Variants in PCDHGA5 observed in about 807,000 individuals in gnomAD.
PCDHGA5 encodes the protein protocadherin gamma-A5.
Under a neutral mutation model 56.7 loss-of-function variants are expected in PCDHGA5, and 36 were observed. That is an observed-to-expected ratio of 0.64 (90% CI 0.49 to 0.84). The LOEUF is 0.84. Ranked by LOEUF, PCDHGA5 falls within the 40% of genes least tolerant of loss-of-function variation. The probability of loss-of-function intolerance (pLI) is 0.00; values close to 1 mark genes in which losing one functional copy is unlikely to be tolerated. For missense variants in PCDHGA5, 1,305 were observed against 1,201.5 expected (o/e 1.09, Z -1.27); for synonymous variants, 563 against 520.2 (o/e 1.08, Z -1.12).
intron 1 of PCDHGA5, chr5:141,428,444 T>C (rs2097139811): frequency 5.3e-6 from 2 of 379,264 alleles, no homozygotes; most frequent in Non-Finnish European, 1.0e-5. Context: ...AGACCAGGGG[T>C]TTTTCCCAAC....
At chr5:141,415,114 G>T in intron 1 of PCDHGA5, 5 of 1,613,648 alleles carry the variant, frequency 3.1e-6, no homozygotes, top group Non-Finnish European at 4.2e-6. Flanking sequence ...GCAAAGCCTC[G>T]TAGTGGCCGT....
chr5:141,371,170 C>T lies in PCDHGA5; in HGVS notation c.2421+4419C>T, dbSNP rs1228264781. 7 of 1,613,892 alleles carry T rather than the reference C, an allele frequency of 4.3e-6. No homozygotes were observed. The Admixed American group carries it at 1.0e-4, about 23-fold the overall frequency. On this transcript the variant is annotated intron_variant, in intron 1 of 3. Coordinates refer to ENST00000518069, the MANE Select transcript of PCDHGA5 (RefSeq NM_018918.3). Reference sequence around the variant, plus strand: ...GTTGCAGAGAACCTGCCCGCTGGCTCCTCCGTATTAAAAGTGATGGCCATT... The same window carrying T: ...GTTGCAGAGAACCTGCCCGCTGGCTTCTCCGTATTAAAAGTGATGGCCATT...
intron 1 of PCDHGA5, among the ~76,000 whole-genome samples, chr5:141,434,225 G>A (rs1591320318): frequency 6.6e-6 from 1 of 152,146 alleles, no homozygotes; most frequent in African/African-American, 2.4e-5. Flanking sequence ...AACAAAGTAC[G>A]ATTTCTGGAC....
chr5:141,394,158 C>G lies in PCDHGA5; in HGVS notation c.2421+27407C>G, dbSNP rs777816337. 1.2e-5 allele frequency: 19 copies of G among 1,613,726 alleles called. No homozygotes were observed. The Admixed American group carries it at 2.0e-4, about 17-fold the overall frequency. On this transcript the variant is annotated intron_variant, in intron 1 of 3. Transcript: ENST00000518069. ...GCACGTGGCAGACATTAACGACAAC[C>G]CTCCTACTTTCCCTCATGCCTCCTA...
Position 141,491,078 on chromosome 5 carries a change from C to G in PCDHGA5, c.2422-3729C>G, listed in dbSNP as rs1386717886. The G allele has an allele frequency of 5.6e-6, 9 of 1,614,194 alleles. No homozygotes were observed. Among genetic ancestry groups the G allele is most frequent in the East Asian group, 4.5e-5 (2 of 44,882 alleles). ...CTCTCCTACTCACTGTTGCCACAGTCCACAGCCCCAGGACTGTTCCTCGTG... is the reference window on the plus strand; with the variant it reads ...CTCTCCTACTCACTGTTGCCACAGTGCACAGCCCCAGGACTGTTCCTCGTG... On this transcript the variant is annotated intron_variant, in intron 1 of 3. Transcript: ENST00000518069. This position sits in a 1 kb window ranked among gnomAD's most constrained non-coding sequence, Gnocchi z 6.9.
chr5:141,388,989 G>A (rs1460138722), intron 1 of PCDHGA5: 1 of 1,613,886 alleles, frequency 6.2e-7, no homozygotes, highest in African/African-American at 1.3e-5. Context: ...TTTGCTCAAA[G>A]TCCGTGACAA....
chr5:141,491,311 A>G lies in PCDHGA5; in HGVS notation c.2422-3496A>G. On this transcript the variant is annotated intron_variant, in intron 1 of 3. Transcript: ENST00000518069. This position sits in a 1 kb window ranked among gnomAD's most constrained non-coding sequence, Gnocchi z 6.9. The stretch of plus-strand genomic sequence containing the variant: ...ACACCCTCCTGAGCGTTCAGACCTT[A>G]CCCTTTACCTCATTGTGGCTCTAGC... 1 of 1,613,932 alleles carries G rather than the reference A, an allele frequency of 6.2e-7. No homozygotes were observed. Among genetic ancestry groups the G allele is most frequent in the Non-Finnish European group, 8.5e-7 (1 of 1,179,940 alleles).
chr5:141,409,251 CTT>C (rs771889477), intron 1 of PCDHGA5: 78 of 1,613,922 alleles, frequency 4.8e-5, no homozygotes, highest in Non-Finnish European at 6.2e-5. Context: ...ATAATCATCA[CTT>C]CTCTCTCTGA....
At chr5:141,382,772 C>G (rs1778420393) in intron 1 of PCDHGA5, 1 of 776,996 alleles carries the variant, frequency 1.3e-6, no homozygotes, top group Non-Finnish European at 2.0e-6. Context: ...CCAGGCTGCA[C>G]TAAACTCAAG....
chr5:141,466,118 G>A lies in PCDHGA5; in HGVS notation c.2422-28689G>A, dbSNP rs1299389265. ...GCCTGGGCAACAGAGTGAGACTCCA[G>A]CTCAAAAAAAAAATCAAGTGAAAAC... On this transcript the variant is annotated intron_variant, in intron 1 of 3. Coordinates refer to ENST00000518069, the MANE Select transcript of PCDHGA5 (RefSeq NM_018918.3). Among the ~76,000 whole-genome samples the A allele has an allele frequency of 2.0e-5, 3 of 151,096 alleles. No individual in the cohort carries two copies. The East Asian group carries it at 5.8e-4, about 29-fold the overall frequency.
At chr5:141,388,590 A>G in intron 1 of PCDHGA5, 9 of 1,613,920 alleles carry the variant, frequency 5.6e-6, no homozygotes, top group Non-Finnish European at 7.6e-6. Flanking sequence ...GACTGATGCC[A>G]ATGATAATGC....
intron 1 of PCDHGA5, chr5:141,417,545 T>C: frequency 3.2e-6 from 1 of 312,052 alleles, no homozygotes; most frequent in East Asian, 5.5e-5. Context: ...AAAAAATTCC[T>C]TGAAAGAGGT....
Position 141,472,217 on chromosome 5 carries a change from C to T in PCDHGA5, c.2422-22590C>T, listed in dbSNP as rs181908144. On this transcript the variant is annotated intron_variant, in intron 1 of 3. Transcript: ENST00000518069. ...CTTTTTGACACTAAGACCTTACTCTCGATCATATAATACATTCACTTTCTA... is the reference window on the plus strand; with the variant it reads ...CTTTTTGACACTAAGACCTTACTCTTGATCATATAATACATTCACTTTCTA... Among the ~76,000 whole-genome samples the T allele has an allele frequency of 3.1e-4, 47 of 152,234 alleles. 1 individual carries two copies. The highest frequency in any genetic ancestry group is 1.1e-3 in the African/African-American group (44 of 41,538).
At position 141,384,373 on chromosome 5, in the gene PCDHGA5, G is replaced by A. The variant is rs916805364; in HGVS notation, c.2421+17622G>A. 27 of 1,613,764 alleles carry A rather than the reference G, an allele frequency of 1.7e-5. No homozygotes were observed. The highest frequency in any genetic ancestry group is 2.1e-5 in the Non-Finnish European group (25 of 1,179,894). ...TAATGCCCAGATCACTTATTCCTTGGCCGAAGACACCATCCAGGGGGCTCC... is the reference window on the plus strand; with the variant it reads ...TAATGCCCAGATCACTTATTCCTTGACCGAAGACACCATCCAGGGGGCTCC... On this transcript the variant is annotated intron_variant, in intron 1 of 3. Coordinates refer to ENST00000518069, the MANE Select transcript of PCDHGA5 (RefSeq NM_018918.3).
At chr5:141,409,559 G>A (rs1421541308) in intron 1 of PCDHGA5, 1 of 1,613,936 alleles carries the variant, frequency 6.2e-7, no homozygotes, top group Admixed American at 1.7e-5. Context: ...CCCAGTTTTC[G>A]ACCAGACGTC....
intron 1 of PCDHGA5, among the ~76,000 whole-genome samples, chr5:141,438,615 T>C (rs566173071): frequency 5.6e-5 from 2 of 35,920 alleles, no homozygotes; most frequent in Admixed American, 4.1e-4. Flanking sequence ...TATATATATA[T>C]ATATATATAT....
intron 1 of PCDHGA5, among the ~76,000 whole-genome samples, chr5:141,480,796 C>G (rs1007525949): frequency 2.6e-5 from 4 of 152,074 alleles, no homozygotes; most frequent in African/African-American, 7.2e-5. Flanking sequence ...ATTTGAAAAC[C>G]ACAGCTTTGG....
intron 1 of PCDHGA5, chr5:141,430,741 A>T (rs370226249): frequency 6.7e-6 from 10 of 1,498,900 alleles, no homozygotes; most frequent in Non-Finnish European, 8.9e-6. Flanking sequence ...ATTGAAAATA[A>T]TTCTGGAGGA....
At chr5:141,407,708 G>C (rs2094972839) in intron 1 of PCDHGA5, among the ~76,000 whole-genome samples, 1 of 152,106 alleles carries the variant, frequency 6.6e-6, no homozygotes, top group African/African-American at 2.4e-5. Flanking sequence ...TGAAGGTGGG[G>C]TGATGGCTAT....
Sources: gnomAD v4.1 joint callset for allele counts (sites outside exome capture counted in the v4.1 genomes callset) on GRCh38, gnomAD v4.1.1 for gene constraint, Gnocchi (gnomAD v3.1) non-coding constraint, MANE v1.5 for transcripts, NCBI Gene and HGNC (gene_info 2026-07-23, HGNC 2026-07-21) for gene names.